The following GFAP variants were observed in gnomAD, a reference collection of about 807,000 sequenced individuals.
The protein encoded by GFAP is intermediate filament protein.
In GFAP, 38 loss-of-function variants were observed where a neutral mutation model predicts 49.3. The ratio of observed to expected loss-of-function variants is 0.77; its 90% CI spans 0.60 to 1.01. GFAP has a LOEUF of 1.01. Ranked by LOEUF, GFAP falls within the 50% of genes least tolerant of loss-of-function variation. The pLI, the probability that GFAP is intolerant of heterozygous loss-of-function variation, is 0.00. For missense variants in GFAP, 463 were observed against 579.1 expected, an observed-to-expected ratio of 0.80 and a Z score of 2.06; for synonymous variants, 222 against 236.4, an observed-to-expected ratio of 0.94 and a Z score of 0.56.
At chr17:44,909,769 G>A (rs2051715632) in intron 7 of GFAP, 2 of 1,102,172 alleles carry the variant, frequency 1.8e-6, no homozygotes, top group Admixed American at 4.6e-5. Context: ...TGAGCTGAGC[G>A]ATGGAGCCTC....
rs1418595811 is a variant in GFAP at position 44,910,535 on chromosome 17, C to T, written c.1171+80G>A. The stretch of plus-strand genomic sequence containing the variant: ...GGATCCCTTTGCCCTGATCCTCAGT[C>T]CCAGTCTGGAGCAACCTACAGGCCC... On this transcript the variant is annotated intron_variant, in intron 7 of 8. Coordinates refer to ENST00000588735, the MANE Select transcript of GFAP (RefSeq NM_002055.5). 3.9e-6 allele frequency: 6 copies of T among 1,553,420 alleles called. No individual in the cohort carries two copies. The East Asian group carries it at 1.5e-4, about 38-fold the overall frequency.
intron 8 of GFAP, chr17:44,907,619 C>CT (rs1416290969): frequency 1.1e-5 from 7 of 616,568 alleles, no homozygotes; most frequent in Non-Finnish European, 2.1e-5. Flanking sequence ...GTAAGATGAG[C>CT]TCCCACTGTG....
At chr17:44,911,836 T>TG in intron 4 of GFAP, 39 bp from the exon 5 acceptor site, 1 of 1,595,930 alleles carries the variant, frequency 6.3e-7, no homozygotes. Flanking sequence ...TGTGGGCCCA[T>TG]GGGCAGGCAC....
At position 44,915,116 on chromosome 17, in the gene GFAP, C is replaced by T. The variant is rs1185404768; in HGVS notation, c.371G>A (p.Arg124Gln). ...DVYQAELREL[R>Q]LRLDQLTANS... ...GGCGGTGAGTTGATCGAGCCGCAGC[C>T]GCAGCTCTCGCAGCTCAGCCTGGTA... Residue 124 changes from arginine (R) to glutamine (Q), a missense_variant, in exon 1 of 9, where the codon CGG becomes CAG. Around this residue, in one of 3 missense-constraint regions of GFAP, gnomAD observed 362 missense variants for 445.5 expected, o/e 0.81. Coordinates refer to ENST00000588735, the MANE Select transcript of GFAP (RefSeq NM_002055.5). The surrounding 1 kb of genome is among the most constrained non-coding windows in gnomAD (Gnocchi z 4.1). The T allele has an allele frequency of 6.8e-6, 11 of 1,613,836 alleles. No homozygotes were observed. Among genetic ancestry groups the T allele is most frequent in the African/African-American group, 1.3e-5 (1 of 74,932 alleles).
Position 44,905,049 on chromosome 17 carries a change from G to C in GFAP, c.*2298C>G. On this transcript the variant is annotated 3_prime_UTR_variant, in exon 9 of 9. Coordinates refer to ENST00000588735, the MANE Select transcript of GFAP (RefSeq NM_002055.5). ...CGTTGCTGCTGCTACTTATTTCACT[G>C]TTGTCCCAGCTTCTCCCCCTAGGAG... 6.5e-7 allele frequency: 1 copy of C among 1,545,526 alleles called. No homozygotes were observed. Among genetic ancestry groups the C allele is most frequent in the South Asian group, 1.2e-5 (1 of 83,568 alleles).
At position 44,907,290 on chromosome 17, in the gene GFAP, C is replaced by G. The variant is rs531934195; in HGVS notation, c.*57G>C. 2.2e-5 allele frequency: 34 copies of G among 1,556,674 alleles called. No individual in the cohort carries two copies. Among genetic ancestry groups the G allele is most frequent in the Non-Finnish European group, 2.9e-5 (33 of 1,128,082 alleles). On this transcript the variant is annotated 3_prime_UTR_variant, in exon 9 of 9. Coordinates refer to ENST00000588735, the MANE Select transcript of GFAP (RefSeq NM_002055.5). ...TGCCAGCAGAGGCGGAGCAACTATC[C>G]TGCTTCTGCTCGGGCCCCTCATGAG...
At chr17:44,910,305 G>A (rs1445217603) in intron 7 of GFAP, 1 of 1,613,864 alleles carries the variant, frequency 6.2e-7, no homozygotes, top group African/African-American at 1.3e-5. Flanking sequence ...AAAACACTCA[G>A]AAGGGCAGTG....
chr17:44,911,789 G>C lies in GFAP; in HGVS notation c.789C>G (p.Asp263Glu). ...AEEWYRSKFADLTDAAARNAE... is the reference protein window; with the variant it reads ...AEEWYRSKFAELTDAAARNAE... ...CGTTGCGGGCAGCAGCGTCTGTCAG[G>C]TCTGCAAACTAGGTGGGGGACACAT... Residue 263 changes from aspartate (D) to glutamate (E), a missense_variant, in exon 5 of 9, where the codon GAC becomes GAG. Around this residue, in one of 3 missense-constraint regions of GFAP, gnomAD observed 362 missense variants for 445.5 expected, o/e 0.81. Transcript: ENST00000588735. 1 of 1,613,400 alleles carries C rather than the reference G, an allele frequency of 6.2e-7. No individual in the cohort carries two copies. The highest frequency in any genetic ancestry group is 8.5e-7 in the Non-Finnish European group (1 of 1,179,876).
Position 44,911,795 on chromosome 17 carries a change from A to G in GFAP, c.783T>C (p.Phe261=). The G allele has an allele frequency of 1.2e-6, 2 of 1,613,036 alleles. No individual in the cohort carries two copies. The highest frequency in any genetic ancestry group is 1.1e-5 in the South Asian group (1 of 91,046). Residue 261 remains phenylalanine, a splice_region_variant and synonymous_variant, in exon 5 of 9, where the codon TTT becomes TTC. Transcript: ENST00000588735. ...GGGCAGCAGCGTCTGTCAGGTCTGC[A>G]AACTAGGTGGGGGACACATATGGGG... ...HEAEEWYRSK[F]ADLTDAAARN... is the part of the protein sequence containing the mutation.
At chr17:44,914,354 C>T in intron 1 of GFAP, 2 of 536,126 alleles carry the variant, frequency 3.7e-6, no homozygotes, top group Non-Finnish European at 3.4e-6. Context: ...CACAAGCATA[C>T]ACTCACTGTT....
chr17:44,908,939 AAG>A (rs1240051133), intron 7 of GFAP: 3 of 150,920 alleles, frequency 2.0e-5, no homozygotes, highest in Non-Finnish European at 4.4e-5. Flanking sequence ...GAAAGAAAGA[AAG>A]AAAAAGAAAG....
intron 7 of GFAP, chr17:44,910,053 A>G: frequency 6.2e-7 from 1 of 1,606,944 alleles, no homozygotes; most frequent in East Asian, 2.2e-5. Context: ...GGAAGAGGGA[A>G]CTCAGGGGGA....
chr17:44,912,781 G>C, intron 4 of GFAP: 1 of 234,878 alleles, frequency 4.3e-6, no homozygotes, highest in Non-Finnish European at 8.5e-6. Flanking sequence ...ACACCTTCCA[G>C]GTCAGACACC....
Position 44,904,664 on chromosome 17 carries a change from C to T in GFAP, c.*2683G>A, listed in dbSNP as rs1454162662. 1.3e-6 allele frequency: 2 copies of T among 1,550,456 alleles called. No homozygotes were observed. Among genetic ancestry groups the T allele is most frequent in the Non-Finnish European group, 1.7e-6 (2 of 1,147,008 alleles). On this transcript the variant is annotated 3_prime_UTR_variant, in exon 9 of 9. Transcript: ENST00000588735. ...CCAGGTGCCCATTCAGTTCCACCAG[C>T]AGAGACTGGGCCATGGACTCATCAT...
At position 44,905,164 on chromosome 17, in the gene GFAP, G is replaced by A; in HGVS notation, c.*2183C>T. On this transcript the variant is annotated 3_prime_UTR_variant, in exon 9 of 9. Coordinates refer to ENST00000588735, the MANE Select transcript of GFAP (RefSeq NM_002055.5). ...GGGTGGGTACCCTGGGTTGGGACAG[G>A]TGGTAGGAACATGTGGACAAATCTG... The A allele has an allele frequency of 2.0e-6, 2 of 990,020 alleles. No individual in the cohort carries two copies. Among genetic ancestry groups the A allele is most frequent in the Admixed American group, 2.7e-5 (1 of 37,652 alleles). The allele number at this position is 990,020 out of a possible 1,614,324, so 61.3% of individuals were successfully genotyped here. A position where few individuals can be genotyped will look rare whatever the true frequency, so the allele number is the denominator to read the frequency against.
rs2051757454 is a variant in GFAP at position 44,911,314 on chromosome 17, T to C, written c.1049A>G (p.Gln350Arg). ...GGCCAGCTTGACATTGAGCAGGTCCTGGTACTCCTGCAAGTGGCGGGCCAT... is the reference window on the plus strand; with the variant it reads ...GGCCAGCTTGACATTGAGCAGGTCCCGGTACTCCTGCAAGTGGCGGGCCAT... ...DEMARHLQEY[Q>R]DLLNVKLALD... The change falls in exon 6 of 9, where the codon CAG (glutamine) becomes CGG (arginine). Residue 350 changes from glutamine to arginine, a missense_variant. Physicochemically the swap from Gln to Arg is conservative, Grantham distance 43. Around this residue, in one of 3 missense-constraint regions of GFAP, gnomAD observed 362 missense variants for 445.5 expected, o/e 0.81. Coordinates refer to ENST00000588735, the MANE Select transcript of GFAP (RefSeq NM_002055.5). 6.2e-7 allele frequency: 1 copy of C among 1,614,150 alleles called. No homozygotes were observed. Among genetic ancestry groups the C allele is most frequent in the Non-Finnish European group, 8.5e-7 (1 of 1,179,972 alleles).
chr17:44,903,732 C>T lies in GFAP; in HGVS notation c.*3615G>A. 1.4e-6 allele frequency: 2 copies of T among 1,451,488 alleles called. No individual in the cohort carries two copies. Among genetic ancestry groups the T allele is most frequent in the Non-Finnish European group, 1.8e-6 (2 of 1,105,540 alleles). 89.9% of individuals were successfully genotyped at this position (1,451,488 alleles called of 1,614,324 possible). ...TTTCCTGGCTGCATAATCCTTTCCT[C>T]ATCTAGAGGCTTCCGCTTAGCAGAG... On this transcript the variant is annotated 3_prime_UTR_variant, in exon 9 of 9. Transcript: ENST00000588735.
At chr17:44,913,645 A>C (rs754879679) in intron 3 of GFAP, 83 bp downstream of exon 3, 3 of 1,140,776 alleles carry the variant, frequency 2.6e-6, no homozygotes. Flanking sequence ...TGTCTCTCTC[A>C]GTCTCAGCTT....
Position 44,915,385 on chromosome 17 carries a change from G to T in GFAP, c.102C>A (p.Gly34=). 1 of 1,607,988 alleles carries T rather than the reference G, an allele frequency of 6.2e-7. No individual in the cohort carries two copies. The highest frequency in any genetic ancestry group is 8.5e-7 in the Non-Finnish European group (1 of 1,176,276). Residue 34 remains glycine, a synonymous_variant, in exon 1 of 9, where the codon GGC becomes GGA. Transcript: ENST00000588735. This position sits in a 1 kb window ranked among gnomAD's most constrained non-coding sequence, Gnocchi z 4.1. ...GLAPGRRLGP[G]TRLSLARMPP... Reference sequence around the variant, plus strand: ...GCATTCGAGCCAGGGAGAGGCGGGTGCCAGGACCCAGACGGCGGCCAGGAG... The same window carrying T: ...GCATTCGAGCCAGGGAGAGGCGGGTTCCAGGACCCAGACGGCGGCCAGGAG...
Sources: allele counts gnomAD v4.1 joint callset, GRCh38; gene constraint gnomAD v4.1.1; regional missense constraint gnomAD v4.1.1; non-coding constraint Gnocchi (gnomAD v3.1); transcripts MANE v1.5; gene names NCBI Gene and HGNC (gene_info 2026-07-23, HGNC 2026-07-21).